ANKRD45: variants seen among roughly 807,000 people sequenced by gnomAD.
ANKRD45 encodes ankyrin repeat domain-containing protein 45.
In ANKRD45, 21 loss-of-function variants were observed where a neutral mutation model predicts 28.1. That is an observed-to-expected ratio of 0.75 (90% CI 0.53 to 1.08). ANKRD45 has a LOEUF of 1.08. Among genes scored for constraint, ANKRD45 ranks in the 50% least tolerant of loss-of-function variants. The pLI is 0.00. For missense variants in ANKRD45, 261 were observed against 308.7 expected (o/e 0.85, Z 1.16); for synonymous variants, 86 against 103.9 (o/e 0.83, Z 1.05).
At chr1:173,637,193 C>G (rs1429756719) in intron 3 of ANKRD45, 2 of 577,274 alleles carry the variant, frequency 3.5e-6, no homozygotes, top group Non-Finnish European at 6.0e-6. Flanking sequence ...AATGTTACTT[C>G]CCATTCAATT....
chr1:173,672,419 T>A (rs1163896291), upstream of ANKRD45, among the ~76,000 whole-genome samples: 3 of 152,226 alleles, frequency 2.0e-5, no homozygotes, highest in Non-Finnish European at 4.4e-5. Context: ...AATATCTGGA[T>A]GGAAGATGAC....
chr1:173,656,580 C>T (rs971518406), intron 2 of ANKRD45, among the ~76,000 whole-genome samples: 9 of 152,044 alleles, frequency 5.9e-5, no homozygotes, highest in South Asian at 4.2e-4. Context: ...ATGTATGGCC[C>T]GACATGGCCA....
the ANKRD45 span, among the ~76,000 whole-genome samples, chr1:173,681,269 T>A: frequency 6.6e-6 from 1 of 152,208 alleles, no homozygotes; most frequent in Non-Finnish European, 1.5e-5. Flanking sequence ...GTGTGTTTTT[T>A]ATATCAAACT....
the ANKRD45 span, among the ~76,000 whole-genome samples, chr1:173,700,519 A>C: frequency 0.25 from 37,267 of 152,102 alleles, 5,036 homozygotes; most frequent in Middle Eastern, 0.37. Context: ...ATAATGCCAC[A>C]TATCTACAAC....
chr1:173,646,043 A>G (rs961630320), intron 3 of ANKRD45, among the ~76,000 whole-genome samples: 1 of 152,248 alleles, frequency 6.6e-6, no homozygotes, highest in Admixed American at 6.5e-5. Context: ...ATGGGAATTC[A>G]ATAAATGCTT....
At chr1:173,709,422 A>G in the ANKRD45 span, among the ~76,000 whole-genome samples, 1 of 152,308 alleles carries the variant, frequency 6.6e-6, no homozygotes, top group South Asian at 2.1e-4. Flanking sequence ...CAGAAGCCAC[A>G]GTCCTTTAAT....
the ANKRD45 span, among the ~76,000 whole-genome samples, chr1:173,704,023 T>G: frequency 6.6e-6 from 1 of 152,222 alleles, no homozygotes; most frequent in African/African-American, 2.4e-5. Context: ...AGCAGGGTTA[T>G]GTTGTAACTT....
intron 3 of ANKRD45, among the ~76,000 whole-genome samples, chr1:173,646,070 C>T (rs1295733004): frequency 6.6e-6 from 1 of 152,162 alleles, no homozygotes; most frequent in East Asian, 1.9e-4. Context: ...AACAGGAATG[C>T]AGATAACCAT....
At chr1:173,611,594 C>T (rs1392217280) in intron 5 of ANKRD45, among the ~76,000 whole-genome samples, 1 of 146,718 alleles carries the variant, frequency 6.8e-6, no homozygotes, top group Non-Finnish European at 1.5e-5. Flanking sequence ...CACACACACA[C>T]ACACACACAC....
chr1:173,674,261 G>A (rs1670343205), upstream of ANKRD45, among the ~76,000 whole-genome samples: 1 of 151,806 alleles, frequency 6.6e-6, no homozygotes, highest in Non-Finnish European at 1.5e-5. Context: ...TGATCCTCCT[G>A]CCTCAGCCTC....
the ANKRD45 span, among the ~76,000 whole-genome samples, chr1:173,687,683 T>C: frequency 6.6e-6 from 1 of 152,206 alleles, no homozygotes; most frequent in Admixed American, 6.5e-5. Context: ...ACTTAGAATT[T>C]GTACAGATGG....
At chr1:173,685,733 G>A in the ANKRD45 span, among the ~76,000 whole-genome samples, 1 of 152,006 alleles carries the variant, frequency 6.6e-6, no homozygotes, top group South Asian at 2.1e-4. Context: ...CAGGGGGTGG[G>A]GGATCAAATA....
At chr1:173,700,480 A>G in the ANKRD45 span, among the ~76,000 whole-genome samples, 1 of 152,230 alleles carries the variant, frequency 6.6e-6, no homozygotes, top group Admixed American at 6.5e-5. Flanking sequence ...AGAGATATAG[A>G]CCAATGGAAC....
chr1:173,649,622 T>C (rs1294444943), intron 2 of ANKRD45, among the ~76,000 whole-genome samples: 3 of 152,204 alleles, frequency 2.0e-5, no homozygotes, highest in Non-Finnish European at 4.4e-5. Flanking sequence ...ATTTTGTTTA[T>C]GATATCTTTT....
At chr1:173,627,508 A>G (rs185724641) in intron 3 of ANKRD45, among the ~76,000 whole-genome samples, 1 of 152,264 alleles carries the variant, frequency 6.6e-6, no homozygotes, top group Admixed American at 6.5e-5. Flanking sequence ...CTACAGCTCA[A>G]TGCTTCCCTA....
chr1:173,690,376 G>A, the ANKRD45 span, among the ~76,000 whole-genome samples: 1 of 152,020 alleles, frequency 6.6e-6, no homozygotes, highest in Non-Finnish European at 1.5e-5. Flanking sequence ...GATACTCTAG[G>A]GGATCCCACG....
rs78601748 is a variant in ANKRD45, at chr1:173,616,804, T to A, written c.731-6589A>T. ...ATGGAAAATAAAAACAGTGAGTGAA[T>A]TCAGCACCTTCAAATGAAATATCCA... is the stretch of plus-strand genomic sequence containing the variant. On this transcript the variant is annotated intron_variant, in intron 5 of 5. Coordinates refer to ENST00000333279, the MANE Select transcript of ANKRD45 (RefSeq NM_198493.3). Among the ~76,000 whole-genome samples, 5 of 152,248 alleles carry A rather than the reference T, an allele frequency of 3.3e-5. No individual in the cohort carries two copies. In the East Asian group the frequency reaches 9.7e-4, roughly 29 times the overall value.
At chr1:173,688,060 G>T in the ANKRD45 span, among the ~76,000 whole-genome samples, 2 of 148,490 alleles carry the variant, frequency 1.3e-5, no homozygotes, top group Non-Finnish European at 3.0e-5. Flanking sequence ...GCTACAGATT[G>T]AATGTATTTG....
intron 3 of ANKRD45, among the ~76,000 whole-genome samples, chr1:173,642,045 C>T (rs549208993): frequency 2.0e-5 from 3 of 152,266 alleles, no homozygotes; most frequent in African/African-American, 7.2e-5. Context: ...ATGATTGAAA[C>T]TCAATGTTGT....
Sources: gnomAD v4.1 joint callset for allele counts (sites outside exome capture counted in the v4.1 genomes callset) on GRCh38, gnomAD v4.1.1 for gene constraint, MANE v1.5 for transcripts, NCBI Gene and HGNC (gene_info 2026-07-23, HGNC 2026-07-21) for gene names.